Variants in KCNK13 observed in about 807,000 individuals in gnomAD.
KCNK13 encodes the protein potassium channel subfamily K member 13.
In KCNK13, 12 loss-of-function variants were observed where a neutral mutation model predicts 23.4. The ratio of observed to expected loss-of-function variants is 0.51; its 90% CI spans 0.33 to 0.83. The LOEUF (loss-of-function observed/expected upper bound fraction) is 0.83. Ranked by LOEUF, KCNK13 falls within the 40% of genes least tolerant of loss-of-function variation. KCNK13 has a pLI of 0.02. For missense variants in KCNK13, 463 were observed against 556.3 expected (o/e 0.83, Z 1.69); for synonymous variants, 231 against 229.5 (o/e 1.01, Z -0.06).
chr14:90,063,297 C>T (rs1300784690), intron 1 of KCNK13, among the ~76,000 whole-genome samples: 1 of 152,092 alleles, frequency 6.6e-6, no homozygotes, highest in Non-Finnish European at 1.5e-5. Context: ...CACTGACAGA[C>T]TGAGGAGCTG....
At chr14:90,183,924 T>C (rs1168512604) in intron 1 of KCNK13, among the ~76,000 whole-genome samples, 187 bp from the exon 2 acceptor site, 3 of 152,188 alleles carry the variant, frequency 2.0e-5, no homozygotes, top group Non-Finnish European at 4.4e-5. Context: ...TTCAGCAGCC[T>C]AGCTCTGAAC....
intron 1 of KCNK13, among the ~76,000 whole-genome samples, chr14:90,067,268 A>G (rs1889020757): frequency 6.6e-6 from 1 of 152,202 alleles, no homozygotes; most frequent in Admixed American, 6.5e-5. Flanking sequence ...GACCATCTCA[A>G]GAAAAAAACG....
intron 1 of KCNK13, among the ~76,000 whole-genome samples, chr14:90,137,278 T>C (rs757813558): frequency 1.1e-4 from 16 of 151,942 alleles, no homozygotes; most frequent in Non-Finnish European, 1.8e-4. Context: ...GGCCAGTGTT[T>C]CTACTCTTGA....
chr14:90,138,123 C>T (rs1889960349), intron 1 of KCNK13, among the ~76,000 whole-genome samples: 1 of 152,170 alleles, frequency 6.6e-6, no homozygotes, highest in Admixed American at 6.5e-5. Context: ...TTTTTACTTA[C>T]AGCTTTTTAT....
chr14:90,126,447 C>CGTGAT (rs1394791487), intron 1 of KCNK13, among the ~76,000 whole-genome samples: 3 of 140,182 alleles, frequency 2.1e-5, no homozygotes, highest in Admixed American at 6.8e-5. Flanking sequence ...CGTGATGTGA[C>CGTGAT]GTGACGTGAC....
At chr14:90,087,386 C>A (rs564342221) in intron 1 of KCNK13, among the ~76,000 whole-genome samples, 24 of 152,062 alleles carry the variant, frequency 1.6e-4, no homozygotes, top group African/African-American at 5.8e-4. Context: ...TAATTTTATA[C>A]ATTTTATTTC....
chr14:90,183,204 A>G lies in KCNK13; in HGVS notation c.335-907A>G, dbSNP rs554319178. Reference sequence around the variant, plus strand: ...GTGAACAGTTAGAGGCAAAGGCAAAATGAACGTTTTATAGTTTATCAATGT... The same window carrying G: ...GTGAACAGTTAGAGGCAAAGGCAAAGTGAACGTTTTATAGTTTATCAATGT... On this transcript the variant is annotated intron_variant, in intron 1 of 1. Coordinates refer to ENST00000282146, the MANE Select transcript of KCNK13 (RefSeq NM_022054.4). Among the ~76,000 whole-genome samples the G allele has an allele frequency of 4.6e-5, 7 of 152,348 alleles. No homozygotes were observed. The East Asian group carries it at 1.2e-3, about 25-fold the overall frequency.
intron 1 of KCNK13, among the ~76,000 whole-genome samples, chr14:90,115,316 G>GC (rs1329004383): frequency 6.6e-6 from 1 of 152,184 alleles, no homozygotes; most frequent in Non-Finnish European, 1.5e-5. Flanking sequence ...GGAAGAGCCA[G>GC]CCCGCTCCTG....
At chr14:90,081,518 T>G (rs1889209642) in intron 1 of KCNK13, among the ~76,000 whole-genome samples, 1 of 152,210 alleles carries the variant, frequency 6.6e-6, no homozygotes, top group South Asian at 2.1e-4. Flanking sequence ...GTTCTTTATG[T>G]AGTTTTTGCA....
At chr14:90,096,137 T>G (rs1246745454) in intron 1 of KCNK13, among the ~76,000 whole-genome samples, 1 of 152,226 alleles carries the variant, frequency 6.6e-6, no homozygotes, top group Non-Finnish European at 1.5e-5. Flanking sequence ...CCAAACCTTG[T>G]CCTTTGGGGT....
chr14:90,092,651 C>A (rs1216063919), intron 1 of KCNK13, among the ~76,000 whole-genome samples: 1 of 152,060 alleles, frequency 6.6e-6, no homozygotes, highest in African/African-American at 2.4e-5. Flanking sequence ...ATCACAAGGC[C>A]AGGCTTGGTG....
At chr14:90,087,129 CATATATAT>C (rs141670518) in intron 1 of KCNK13, among the ~76,000 whole-genome samples, 48 of 124,640 alleles carry the variant, frequency 3.9e-4, no homozygotes, top group Admixed American at 5.4e-4. Context: ...TATATATATA[CATATATAT>C]ATATATATAT....
chr14:90,130,446 C>T lies in KCNK13; in HGVS notation c.335-53665C>T, dbSNP rs1286797. On this transcript the variant is annotated intron_variant, in intron 1 of 1. Transcript: ENST00000282146. ...AACTCCTTATCTCAAATAATCTGCC[C>T]GCCTCGGCCTCCCAAAGTGTTGGGA... 7.2e-5 allele frequency among the ~76,000 whole-genome samples: 11 copies of T among 151,906 alleles called. No individual in the cohort carries two copies. The South Asian group carries it at 1.0e-3, about 14-fold the overall frequency.
chr14:90,171,546 G>T (rs1477381908), intron 1 of KCNK13, among the ~76,000 whole-genome samples: 1 of 152,174 alleles, frequency 6.6e-6, no homozygotes, highest in East Asian at 1.9e-4. Flanking sequence ...AAGTCCTGAC[G>T]GCATGTGCCT....
At chr14:90,182,140 G>A (rs942833800) in intron 1 of KCNK13, among the ~76,000 whole-genome samples, 1 of 152,218 alleles carries the variant, frequency 6.6e-6, no homozygotes. Context: ...ATCCCATCTA[G>A]CTCAAAAGCT....
chr14:90,085,088 G>A (rs904197336), intron 1 of KCNK13, among the ~76,000 whole-genome samples: 12 of 151,842 alleles, frequency 7.9e-5, no homozygotes, highest in Admixed American at 5.2e-4. Flanking sequence ...GATTACAGGC[G>A]TGTGCCACGA....
At chr14:90,087,154 A>ATT (rs1555401789) in intron 1 of KCNK13, among the ~76,000 whole-genome samples, 3,459 of 107,388 alleles carry the variant, frequency 0.032, 90 homozygotes, top group Non-Finnish European at 0.042. Context: ...ATATATATAT[A>ATT]TTTTTTTTTT....
At chr14:90,151,654 T>A (rs1345832192) in intron 1 of KCNK13, among the ~76,000 whole-genome samples, 1 of 152,240 alleles carries the variant, frequency 6.6e-6, no homozygotes, top group Non-Finnish European at 1.5e-5. Flanking sequence ...TGTCTATTTT[T>A]GCTTTTTGTC....
chr14:90,063,011 C>T (rs560759747), intron 1 of KCNK13, among the ~76,000 whole-genome samples: 1 of 151,898 alleles, frequency 6.6e-6, no homozygotes, highest in African/African-American at 2.4e-5. Context: ...TCACACTTAC[C>T]GAGAAAAAAT....
Sources: gnomAD v4.1 joint callset for allele counts (sites outside exome capture counted in the v4.1 genomes callset) on GRCh38, gnomAD v4.1.1 for gene constraint, MANE v1.5 for transcripts, NCBI Gene and HGNC (gene_info 2026-07-23, HGNC 2026-07-21) for gene names.